Variants in CMIP observed in about 807,000 individuals in gnomAD.
The protein encoded by CMIP is c-Maf inducing protein, also known as C-Maf-inducing protein.
CMIP carries 13 observed loss-of-function variants against 97.3 expected under a neutral mutation model. That is an observed-to-expected ratio of 0.13 (90% CI 0.09 to 0.21). The LOEUF is 0.21. Among genes scored for constraint, CMIP ranks in the 10% least tolerant of loss-of-function variants. The pLI, the probability that CMIP is intolerant of heterozygous loss-of-function variation, is 1.00. For synonymous variants in CMIP, 538 were observed against 436.3 expected (o/e 1.23, Z -2.91); for missense variants, 847 against 1,024.9 (o/e 0.83, Z 2.37).
intron 2 of CMIP, among the ~76,000 whole-genome samples, chr16:81,612,096 C>T (rs1282644329): frequency 2.0e-5 from 3 of 152,230 alleles, no homozygotes; most frequent in Non-Finnish European, 2.9e-5. Flanking sequence ...GGAGGCCAAG[C>T]ATGTAAGTAC....
intron 1 of CMIP, among the ~76,000 whole-genome samples, chr16:81,530,335 C>T (rs887313262): frequency 5.3e-5 from 8 of 152,140 alleles, no homozygotes; most frequent in South Asian, 4.2e-4. Context: ...AAGGTGGATC[C>T]GGATCCCTCA....
intron 13 of CMIP, among the ~76,000 whole-genome samples, chr16:81,694,943 T>G (rs1212330749): frequency 1.3e-5 from 2 of 152,224 alleles, no homozygotes; most frequent in East Asian, 1.9e-4. Flanking sequence ...TTCTTAAACT[T>G]AAGTCTTTCC....
chr16:81,483,016 T>G (rs889967697), intron 1 of CMIP, among the ~76,000 whole-genome samples: 38 of 152,224 alleles, frequency 2.5e-4, no homozygotes, highest in Non-Finnish European at 3.8e-4. Flanking sequence ...GAGCCCCCAT[T>G]CTACTGGAGG....
chr16:81,587,402 C>T (rs927530209), intron 1 of CMIP, among the ~76,000 whole-genome samples: 17 of 152,206 alleles, frequency 1.1e-4, no homozygotes, highest in Non-Finnish European at 2.1e-4. Context: ...CAGTCTGTGT[C>T]TGTGCCATAT....
intron 1 of CMIP, among the ~76,000 whole-genome samples, chr16:81,497,289 T>C (rs902415525): frequency 6.6e-6 from 1 of 152,144 alleles, no homozygotes; most frequent in African/African-American, 2.4e-5. Context: ...CTCCGAGATG[T>C]GTTTTTCATA....
At chr16:81,699,849 C>G in intron 15 of CMIP, 48 bp downstream of exon 15, 3 of 1,297,068 alleles carry the variant, frequency 2.3e-6, no homozygotes, top group Non-Finnish European at 3.3e-6. Context: ...CTCCCCGTCC[C>G]TTGTCCGTGC....
In CMIP at chr16:81,664,284, C is replaced by A. The variant is rs755919686; in HGVS notation, c.760C>A (p.Pro254Thr). Residue 254 changes from proline to threonine, a missense_variant, in exon 7 of 21, where the codon CCC becomes ACC. Around this residue, in one of 4 missense-constraint regions of CMIP, gnomAD observed 285 missense variants for 392.2 expected, o/e 0.73. Coordinates refer to ENST00000537098, the MANE Select transcript of CMIP (RefSeq NM_198390.3). ...CTGTCCCCAGCACTGCAGAGAGCGGCCCCGGTCCATGGTGGTCATCGAGGT... is the reference window on the plus strand; with the variant it reads ...CTGTCCCCAGCACTGCAGAGAGCGGACCCGGTCCATGGTGGTCATCGAGGT... ...EFFCKHCRERPRSMVVIEVFT... is the reference protein window; with the variant it reads ...EFFCKHCRERTRSMVVIEVFT... 1.0e-5 allele frequency: 16 copies of A among 1,601,846 alleles called. No homozygotes were observed. Among genetic ancestry groups the A allele is most frequent in the Non-Finnish European group, 3.4e-6 (4 of 1,174,826 alleles).
At chr16:81,596,655 C>A (rs1206769255) in intron 1 of CMIP, among the ~76,000 whole-genome samples, 1 of 152,154 alleles carries the variant, frequency 6.6e-6, no homozygotes, top group Non-Finnish European at 1.5e-5. Context: ...GCCAGCCCTC[C>A]CCAGAAGCTC....
At chr16:81,560,697 C>T (rs140538763) in intron 1 of CMIP, among the ~76,000 whole-genome samples, 3 of 152,226 alleles carry the variant, frequency 2.0e-5, no homozygotes, top group Non-Finnish European at 4.4e-5. Context: ...ACAGGTAAAT[C>T]GTTTTTATCA....
chr16:81,530,698 T>G (rs2090216417), intron 1 of CMIP, among the ~76,000 whole-genome samples: 1 of 152,172 alleles, frequency 6.6e-6, no homozygotes, highest in African/African-American at 2.4e-5. Flanking sequence ...CCTCCGAGGC[T>G]TCTGTGTCAC....
intron 1 of CMIP, among the ~76,000 whole-genome samples, chr16:81,599,176 C>T (rs1310812680): frequency 2.0e-5 from 3 of 152,010 alleles, no homozygotes; most frequent in Non-Finnish European, 4.4e-5. Flanking sequence ...ACCAAGGGCA[C>T]AGCTGGGTTG....
rs397695977 is a variant in CMIP at position 81,537,546 on chromosome 16, CAAAAAAA to C, written c.301-70002_301-69996del. ...AGAGACTCCGTCTCCAAAAAAAAGA[CAAAAAAA>C]AAAAAAAAAAAAAAAAAAGACCCAA... is the stretch of plus-strand genomic sequence containing the variant. On this transcript the variant is annotated intron_variant, in intron 1 of 20. Coordinates refer to ENST00000537098, the MANE Select transcript of CMIP (RefSeq NM_198390.3). Among the ~76,000 whole-genome samples the C allele has an allele frequency of 3.4e-4, 28 of 82,070 alleles. No homozygotes were observed. The South Asian group carries it at 5.6e-3, about 16-fold the overall frequency. 53.8% of individuals were successfully genotyped at this position (82,070 alleles called of 152,430 possible).
intron 1 of CMIP, among the ~76,000 whole-genome samples, chr16:81,482,600 G>A (rs191966028): frequency 6.6e-6 from 1 of 152,318 alleles, no homozygotes; most frequent in East Asian, 1.9e-4. Context: ...GGAGGACGGT[G>A]TGTGTTGGGG....
chr16:81,600,711 T>A (rs549257994), intron 1 of CMIP, among the ~76,000 whole-genome samples: 32 of 152,352 alleles, frequency 2.1e-4, no homozygotes, highest in African/African-American at 7.7e-4. Flanking sequence ...GAATTGTACA[T>A]CTTAAGTGAT....
intron 1 of CMIP, among the ~76,000 whole-genome samples, chr16:81,579,755 C>T (rs1269391142): frequency 6.6e-6 from 1 of 152,198 alleles, no homozygotes; most frequent in Non-Finnish European, 1.5e-5. Flanking sequence ...GAGATCGAGA[C>T]CATCCTGGCT....
At chr16:81,638,000 C>T (rs1207216384) in intron 3 of CMIP, among the ~76,000 whole-genome samples, 1 of 152,164 alleles carries the variant, frequency 6.6e-6, no homozygotes, top group Non-Finnish European at 1.5e-5. Flanking sequence ...ATGAACTAAT[C>T]ACCCCCACGA....
chr16:81,700,378 A>C, intron 15 of CMIP: 1 of 154,720 alleles, frequency 6.5e-6, no homozygotes, highest in South Asian at 2.0e-4. Context: ...GCACGCTCCA[A>C]AGTCCCCAGA....
At chr16:81,600,344 C>G (rs1220576381) in intron 1 of CMIP, among the ~76,000 whole-genome samples, 6 of 150,728 alleles carry the variant, frequency 4.0e-5, no homozygotes, top group African/African-American at 1.5e-4. Context: ...AGAGACAATC[C>G]ATGTGTCCAT....
chr16:81,662,029 A>G (rs1485985113), intron 6 of CMIP, among the ~76,000 whole-genome samples: 1 of 152,128 alleles, frequency 6.6e-6, no homozygotes. Flanking sequence ...GTGGATACAC[A>G]CAGGCCCCGG....
Sources: allele counts gnomAD v4.1 joint callset (sites outside exome capture counted in the v4.1 genomes callset), GRCh38; gene constraint gnomAD v4.1.1; regional missense constraint gnomAD v4.1.1; transcripts MANE v1.5; gene names NCBI Gene and HGNC (gene_info 2026-07-23, HGNC 2026-07-21).